SRBD1: variants seen among roughly 807,000 people sequenced by gnomAD.
SRBD1 encodes S1 RNA-binding domain-containing protein 1.
A neutral mutation model predicts 115.3 loss-of-function variants in SRBD1; 88 were observed. The ratio of observed to expected loss-of-function variants is 0.76; its 90% CI spans 0.64 to 0.91. SRBD1 has a LOEUF of 0.91. Ranked by LOEUF, SRBD1 falls within the 40% of genes least tolerant of loss-of-function variation. The probability of loss-of-function intolerance (pLI) is 0.00; values close to 1 mark genes in which losing one functional copy is unlikely to be tolerated. For missense variants in SRBD1, 1,385 were observed against 1,177.4 expected (o/e 1.18, Z -2.58); for synonymous variants, 509 against 407.7 (o/e 1.25, Z -2.99).
intron 16 of SRBD1, among the ~76,000 whole-genome samples, chr2:45,463,410 T>C (rs1008008072): frequency 3.3e-5 from 5 of 152,220 alleles, no homozygotes; most frequent in African/African-American, 1.2e-4. Context: ...AAGATCATGA[T>C]CAACTCACAC....
chr2:45,419,713 TC>T, intron 17 of SRBD1, 74 bp downstream of exon 17: 1 of 1,342,970 alleles, frequency 7.4e-7, no homozygotes, highest in Non-Finnish European at 1.1e-6. Flanking sequence ...CGTGTTCCCT[TC>T]TTCTAGCCGA....
chr2:45,390,276 T>A (rs1666961006), intron 20 of SRBD1, among the ~76,000 whole-genome samples: 1 of 152,184 alleles, frequency 6.6e-6, no homozygotes, highest in Non-Finnish European at 1.5e-5. Flanking sequence ...CTCTATTATC[T>A]CCTGGCCAGG....
chr2:45,573,197 C>A lies in SRBD1; in HGVS notation c.1305+10G>T, dbSNP rs532604637. 25 of 1,591,614 alleles carry A rather than the reference C, an allele frequency of 1.6e-5. No individual in the cohort carries two copies. The highest frequency in any genetic ancestry group is 5.4e-5 in the Admixed American group (3 of 55,754). ...CGAAATCAGCATGCACATGCAGTTTCTTTATTTACCTGATGATGGTGAATG... is the reference window on the plus strand; with the variant it reads ...CGAAATCAGCATGCACATGCAGTTTATTTATTTACCTGATGATGGTGAATG... On this transcript the variant is annotated intron_variant, in intron 9 of 20. Coordinates refer to ENST00000263736, the MANE Select transcript of SRBD1 (RefSeq NM_018079.5).
At chr2:45,404,188 G>A (rs1456160213) in intron 19 of SRBD1, among the ~76,000 whole-genome samples, 1 of 152,132 alleles carries the variant, frequency 6.6e-6, no homozygotes, top group African/African-American at 2.4e-5. Context: ...GAAGCTGAAA[G>A]GATGAACTGA....
chr2:45,397,109 C>T (rs1377494164), intron 19 of SRBD1, among the ~76,000 whole-genome samples: 1 of 152,108 alleles, frequency 6.6e-6, no homozygotes, highest in Non-Finnish European at 1.5e-5. Context: ...AAGAACACAT[C>T]ATTTTAGAAA....
chr2:45,393,428 T>G (rs1453501279), intron 19 of SRBD1, among the ~76,000 whole-genome samples: 1 of 152,196 alleles, frequency 6.6e-6, no homozygotes, highest in Non-Finnish European at 1.5e-5. Context: ...TCACCTAGGC[T>G]GGAGTGCAGT....
At chr2:45,540,054 T>C (rs1671885072) in intron 14 of SRBD1, among the ~76,000 whole-genome samples, 1 of 151,972 alleles carries the variant, frequency 6.6e-6, no homozygotes, top group African/African-American at 2.4e-5. Context: ...AAATTAAAAA[T>C]TGAATGGGCC....
intron 12 of SRBD1, chr2:45,549,184 ACTG>A (rs995123821): frequency 1.6e-4 from 25 of 152,350 alleles, no homozygotes; most frequent in African/African-American, 5.8e-4. Flanking sequence ...TCACATTCAA[ACTG>A]AGCAAAGTAA....
At chr2:45,597,888 G>A (rs1043778523) in intron 4 of SRBD1, among the ~76,000 whole-genome samples, 4 of 152,228 alleles carry the variant, frequency 2.6e-5, no homozygotes, top group East Asian at 1.9e-4. Flanking sequence ...TCTTTACTAC[G>A]AATAACTTAT....
rs544529786 is a variant in SRBD1, at chr2:45,530,721, A to AGTATCAGT, written c.1874+16003_1874+16010dup. ...ACCTTTTTTCTACTACCCAGTTCCT[A>AGTATCAGT]GTATCAGTCTCTAAAGCCCAGAGGT... On this transcript the variant is annotated intron_variant, in intron 14 of 20. Coordinates refer to ENST00000263736, the MANE Select transcript of SRBD1 (RefSeq NM_018079.5). Among the ~76,000 whole-genome samples the AGTATCAGT allele has an allele frequency of 4.9e-4, 74 of 152,140 alleles. No homozygotes were observed. In the South Asian group the frequency reaches 0.015, roughly 31 times the overall value.
At chr2:45,609,256 G>A (rs1483116117) in intron 1 of SRBD1, among the ~76,000 whole-genome samples, 1 of 152,168 alleles carries the variant, frequency 6.6e-6, no homozygotes, top group Non-Finnish European at 1.5e-5. Flanking sequence ...AGTTCCATTT[G>A]CTAAGTCAAA....
intron 14 of SRBD1, among the ~76,000 whole-genome samples, chr2:45,523,585 C>T (rs11125019): frequency 0.02 from 3,047 of 151,562 alleles, 87 homozygotes; most frequent in African/African-American, 0.07. Context: ...TATTAGATAA[C>T]AAAGATGCAA....
rs537155222 is a variant in SRBD1 at position 45,402,294 on chromosome 2, T to G, written c.2514-9165A>C. Among the ~76,000 whole-genome samples the G allele has an allele frequency of 2.4e-4, 37 of 152,290 alleles. 1 individual carries two copies. The South Asian group carries it at 7.5e-3, about 31-fold the overall frequency. ...AATTAAAGAAAAACACTGTTTGGCT[T>G]TTGTACAGAAGTTTCTTCCCTCCCC... On this transcript the variant is annotated intron_variant, in intron 19 of 20. Transcript: ENST00000263736.
intron 15 of SRBD1, among the ~76,000 whole-genome samples, chr2:45,485,973 C>A (rs373972869): frequency 6.6e-6 from 1 of 152,110 alleles, no homozygotes; most frequent in East Asian, 1.9e-4. Context: ...ATGGTCATTG[C>A]CACATAGAAG....
chr2:45,574,553 G>T, intron 8 of SRBD1, 74 bp downstream of exon 8: 1 of 1,361,454 alleles, frequency 7.3e-7, no homozygotes, highest in Non-Finnish European at 1.0e-6. Context: ...ATGAACATTG[G>T]TATTAGCACT....
chr2:45,425,023 T>TA (rs1668111312), intron 16 of SRBD1, among the ~76,000 whole-genome samples: 1 of 152,232 alleles, frequency 6.6e-6, no homozygotes, highest in Non-Finnish European at 1.5e-5. Context: ...TCTTCATTGA[T>TA]ACTCTTGAGC....
chr2:45,426,323 T>C (rs1281216100), intron 16 of SRBD1, among the ~76,000 whole-genome samples: 1 of 152,226 alleles, frequency 6.6e-6, no homozygotes, highest in African/African-American at 2.4e-5. Context: ...GGGCAGGGCA[T>C]CTCTGAAAGA....
Position 45,605,427 on chromosome 2 carries a change from T to C in SRBD1, c.15A>G (p.Pro5=). The stretch of plus-strand genomic sequence containing the variant: ...CCTGGACCTGTACTTTCGCTCTTCT[T>C]GGCAATGATGACATCTAGAAGAAAC... The part of the protein sequence containing the change: MSSL[P]RRAKVQVQDV... Residue 5 remains proline, a synonymous_variant, in exon 2 of 21, where the codon CCA becomes CCG. Transcript: ENST00000263736. 1.9e-6 allele frequency: 3 copies of C among 1,613,642 alleles called. No individual in the cohort carries two copies. Among genetic ancestry groups the C allele is most frequent in the Non-Finnish European group, 2.5e-6 (3 of 1,179,944 alleles).
intron 4 of SRBD1, among the ~76,000 whole-genome samples, chr2:45,594,181 A>G (rs904793739): frequency 6.6e-6 from 1 of 152,204 alleles, no homozygotes; most frequent in Non-Finnish European, 1.5e-5. Flanking sequence ...CAACTCAGAA[A>G]TGTTGACCAC....
Sources: allele counts gnomAD v4.1 joint callset (sites outside exome capture counted in the v4.1 genomes callset), GRCh38; gene constraint gnomAD v4.1.1; transcripts MANE v1.5; gene names NCBI Gene and HGNC (gene_info 2026-07-23, HGNC 2026-07-21).